BEND7: variants seen among roughly 807,000 people sequenced by gnomAD.
BEND7 encodes the protein BEN domain containing 7.
Under a neutral mutation model 50.9 loss-of-function variants are expected in BEND7, and 28 were observed. The ratio of observed to expected loss-of-function variants is 0.55; its 90% CI spans 0.41 to 0.75. The LOEUF (loss-of-function observed/expected upper bound fraction) is 0.75, where lower values mean the gene tolerates loss of function less well. Ranked by LOEUF, BEND7 falls within the 30% of genes least tolerant of loss-of-function variation. BEND7 has a pLI of 0.00. For missense variants in BEND7, 477 were observed against 491.3 expected (o/e 0.97, Z 0.28); for synonymous variants, 170 against 183.9 (o/e 0.92, Z 0.61).
chr10:13,526,156 T>C lies in BEND7; in HGVS notation c.127A>G (p.Thr43Ala). The change falls in exon 2 of 9, where the codon ACA becomes GCA. Residue 43 changes from threonine (T) to alanine (A), a missense_variant. This residue lies in a region of BEND7 where 396 missense variants were observed against 384.2 expected (regional missense o/e 1.03). Coordinates refer to ENST00000466271, the MANE Select transcript of BEND7 (RefSeq NM_001369863.1). The part of the protein sequence containing the change: ...SNDVNGEAKE[T>A]QPIFLGDESM... ...AACCTACCTAAAAAAATGGGCTGTG[T>C]CTCTTTGGCCTCCCCATTAACATCG... is the stretch of plus-strand genomic sequence containing the variant. The C allele has an allele frequency of 7.8e-7, 1 of 1,289,052 alleles. No individual in the cohort carries two copies. Among genetic ancestry groups the C allele is most frequent in the Non-Finnish European group, 1.0e-6 (1 of 988,404 alleles). The allele number at this position is 1,289,052 out of a possible 1,614,324, so 79.9% of individuals were successfully genotyped here. A position where few individuals can be genotyped will look rare whatever the true frequency, so the allele number is the denominator to read the frequency against.
intron 5 of BEND7, among the ~76,000 whole-genome samples, chr10:13,483,124 A>C (rs923777407): frequency 2.0e-5 from 3 of 152,170 alleles, no homozygotes; most frequent in African/African-American, 7.2e-5. Flanking sequence ...AGTGTGGTTC[A>C]GACACTCTTA....
intron 2 of BEND7, among the ~76,000 whole-genome samples, chr10:13,525,316 TTCCTG>T (rs1192456775): frequency 4.6e-5 from 7 of 152,240 alleles, no homozygotes; most frequent in African/African-American, 1.7e-4. Flanking sequence ...TCCAAAGTCT[TTCCTG>T]TACAGTATTT....
chr10:13,447,309 C>T lies in BEND7; in HGVS notation c.1191G>A (p.Ala397=), dbSNP rs770522587. Residue 397 remains alanine (A), a synonymous_variant, in exon 8 of 9, where the codon GCG becomes GCA. Transcript: ENST00000466271. ...RRRLKRGSEI[A]DSDERLDGIA... ...TGCCGTCCAGTCTTTCATCACTGTC[C>T]GCGATCTCTGCTGGTTACAAACATA... The T allele has an allele frequency of 2.6e-5, 42 of 1,613,924 alleles. No individual in the cohort carries two copies. Among genetic ancestry groups the T allele is most frequent in the Middle Eastern group, 1.6e-4 (1 of 6,084 alleles).
At position 13,528,565 on chromosome 10, in the gene BEND7, AGGCGGCGGCAGCGGCGGCAGCGGC is replaced by A; in HGVS notation, c.-56_-33del. On this transcript the variant is annotated 5_prime_UTR_variant, in exon 1 of 9. Coordinates refer to ENST00000466271, the MANE Select transcript of BEND7 (RefSeq NM_001369863.1). ...GGGAAGGCGGCGGCGGGGGCTGAGG[AGGCGGCGGCAGCGGCGGCAGCGGC>A]AGCGGCGGCAGCGGCAGCGGCGGCG... 1.1e-6 allele frequency: 1 copy of A among 943,448 alleles called. No homozygotes were observed. Among genetic ancestry groups the A allele is most frequent in the Non-Finnish European group, 1.2e-6 (1 of 810,516 alleles). The allele number at this position is 943,448 out of a possible 1,614,324, so 58.4% of individuals were successfully genotyped here.
At chr10:13,480,795 ATGAAAC>A (rs2075801183) in intron 6 of BEND7, 98 bp downstream of exon 6, 1 of 1,536,360 alleles carries the variant, frequency 6.5e-7, no homozygotes, top group African/African-American at 1.4e-5. Flanking sequence ...GCAATGGCAA[ATGAAAC>A]TGGCCACTAG....
intron 6 of BEND7, among the ~76,000 whole-genome samples, chr10:13,479,624 T>A (rs1038823960): frequency 6.6e-6 from 1 of 152,250 alleles, no homozygotes; most frequent in Non-Finnish European, 1.5e-5. Flanking sequence ...CCTACTTACA[T>A]CATTGACCAT....
At chr10:13,481,867 C>T (rs539451598) in intron 5 of BEND7, among the ~76,000 whole-genome samples, 3 of 152,342 alleles carry the variant, frequency 2.0e-5, no homozygotes, top group East Asian at 3.9e-4. Context: ...AATCAGAGGA[C>T]GTCCAAGGTG....
intron 2 of BEND7, among the ~76,000 whole-genome samples, chr10:13,523,917 C>A (rs2079252606): frequency 6.6e-6 from 1 of 152,198 alleles, no homozygotes; most frequent in Non-Finnish European, 1.5e-5. Flanking sequence ...GAAAATAACC[C>A]ACAGCACACT....
chr10:13,519,729 T>A (rs981843180), intron 2 of BEND7, among the ~76,000 whole-genome samples: 3 of 152,170 alleles, frequency 2.0e-5, no homozygotes, highest in African/African-American at 7.2e-5. Context: ...TGACTCTAAA[T>A]CCAACTTCTC....
In BEND7 at chr10:13,455,575, C is replaced by T. The variant is rs532947972; in HGVS notation, c.1064-2917G>A. Among the ~76,000 whole-genome samples, 4 of 152,096 alleles carry T rather than the reference C, an allele frequency of 2.6e-5. No homozygotes were observed. In the East Asian group the frequency reaches 7.7e-4, roughly 29 times the overall value. ...GGGACAGGGACTTGGGTGTGACGTG[C>T]AGGCTGAGGGAGCAGTGGTGTGGCA... On this transcript the variant is annotated intron_variant, in intron 6 of 8. Transcript: ENST00000466271.
intron 8 of BEND7, 62 bp from the exon 9 acceptor site, chr10:13,441,812 AGGCT>A: frequency 2.0e-6 from 3 of 1,526,354 alleles, no homozygotes; most frequent in Admixed American, 1.7e-5. Context: ...AAATGGAAAA[AGGCT>A]AACAAAAAGG....
chr10:13,499,612 T>C, intron 3 of BEND7, 166 bp downstream of exon 3: 2 of 765,100 alleles, frequency 2.6e-6, no homozygotes, highest in East Asian at 2.7e-5. Context: ...TGTTTTTTAA[T>C]AGTCTTCAAC....
intron 6 of BEND7, among the ~76,000 whole-genome samples, chr10:13,462,075 GT>G (rs1285383456): frequency 6.6e-6 from 1 of 152,204 alleles, no homozygotes; most frequent in East Asian, 1.9e-4. Context: ...CAAAGTAAGT[GT>G]GCTTAAAATG....
chr10:13,524,592 C>G (rs529394140), intron 2 of BEND7, among the ~76,000 whole-genome samples: 2 of 142,472 alleles, frequency 1.4e-5, no homozygotes, highest in Admixed American at 7.6e-5. Context: ...TGCAGTGAGC[C>G]GAGATCATGC....
At chr10:13,528,194 GC>G (rs2079551119) in intron 1 of BEND7, among the ~76,000 whole-genome samples, 1 of 151,810 alleles carries the variant, frequency 6.6e-6, no homozygotes, top group Non-Finnish European at 1.5e-5. Flanking sequence ...CCCCGGAGGC[GC>G]CCCGAGGAGG....
At chr10:13,462,404 TA>T (rs2131300241) in intron 6 of BEND7, among the ~76,000 whole-genome samples, 1 of 152,318 alleles carries the variant, frequency 6.6e-6, no homozygotes, top group South Asian at 2.1e-4. Context: ...ACTTATTCAC[TA>T]CCACAAGAAC....
At chr10:13,476,930 T>TA (rs990926634) in intron 6 of BEND7, among the ~76,000 whole-genome samples, 2 of 152,202 alleles carry the variant, frequency 1.3e-5, no homozygotes, top group African/African-American at 4.8e-5. Context: ...CAATATATTT[T>TA]AAATAAATTA....
At chr10:13,508,150 C>T (rs1477081528) in intron 2 of BEND7, among the ~76,000 whole-genome samples, 1 of 152,190 alleles carries the variant, frequency 6.6e-6, no homozygotes, top group African/African-American at 2.4e-5. Context: ...GGACCTGAGG[C>T]TGGCACCTCT....
chr10:13,453,010 A>T (rs1416640455), intron 6 of BEND7, among the ~76,000 whole-genome samples: 2 of 152,248 alleles, frequency 1.3e-5, no homozygotes, highest in African/African-American at 4.8e-5. Flanking sequence ...CAAACGTATT[A>T]AAAGAGTTCA....
Sources: gnomAD v4.1 joint callset for allele counts (sites outside exome capture counted in the v4.1 genomes callset) on GRCh38, gnomAD v4.1.1 for gene constraint, gnomAD v4.1.1 regional missense constraint, MANE v1.5 for transcripts, NCBI Gene and HGNC (gene_info 2026-07-23, HGNC 2026-07-21) for gene names.